KITLG: variants seen among roughly 807,000 people sequenced by gnomAD.
KITLG encodes c-Kit ligand.
Under a neutral mutation model 34.1 loss-of-function variants are expected in KITLG, and 13 were observed. The observed-to-expected ratio is 0.38, with a 90% CI of 0.25 to 0.61. The LOEUF is 0.61. Among genes scored for constraint, KITLG ranks in the 20% least tolerant of loss-of-function variants. The probability of loss-of-function intolerance (pLI) is 0.60; values close to 1 mark genes in which losing one functional copy is unlikely to be tolerated. For synonymous variants in KITLG, 110 were observed against 104.0 expected, an observed-to-expected ratio of 1.06 and a Z score of -0.35; for missense variants, 292 against 318.9, an observed-to-expected ratio of 0.92 and a Z score of 0.64.
intron 2 of KITLG, among the ~76,000 whole-genome samples, chr12:88,541,324 T>G (rs530962092): frequency 9.9e-5 from 15 of 152,216 alleles, no homozygotes; most frequent in Non-Finnish European, 1.6e-4. Flanking sequence ...TAATTTCACC[T>G]TTACGAGATG....
chr12:88,514,069 A>G (rs1265558249), intron 6 of KITLG, among the ~76,000 whole-genome samples: 1 of 151,676 alleles, frequency 6.6e-6, no homozygotes, highest in Non-Finnish European at 1.5e-5. Flanking sequence ...TTGACATCAA[A>G]CAACGCACTT....
chr12:88,499,916 G>A (rs996973281), intron 9 of KITLG, among the ~76,000 whole-genome samples: 8 of 152,006 alleles, frequency 5.3e-5, no homozygotes, highest in South Asian at 2.1e-4. Flanking sequence ...AACCACTCCC[G>A]TACATCTTGC....
chr12:88,557,158 A>G (rs1422545378), intron 1 of KITLG, among the ~76,000 whole-genome samples: 1 of 152,070 alleles, frequency 6.6e-6, no homozygotes, highest in African/African-American at 2.4e-5. Context: ...TAAACTCAGC[A>G]TTTCTCTTTT....
chr12:88,510,184 C>T (rs1869226152), intron 6 of KITLG, among the ~76,000 whole-genome samples: 1 of 152,158 alleles, frequency 6.6e-6, no homozygotes, highest in South Asian at 2.1e-4. Flanking sequence ...TATAATTTTG[C>T]TGAACTTCTT....
At position 88,506,314 on chromosome 12, in the gene KITLG, A is replaced by T; in HGVS notation, c.779T>A (p.Ile260Lys). ...CACATTTAGCAAAACAAAATACCTT[A>T]TCTCATTATCCTCTTCATTAATTTG... ...NIQINEEDNE[I>K]SMLQEKEREF... The change falls in exon 8 of 10, where the codon ATA becomes AAA. Residue 260 changes from isoleucine (I) to lysine (K), a missense_variant. By Grantham distance (102) the Ile-to-Lys change is moderately radical. Transcript: ENST00000644744. 1 of 1,592,690 alleles carries T rather than the reference A, an allele frequency of 6.3e-7. No individual in the cohort carries two copies. Among genetic ancestry groups the T allele is most frequent in the Non-Finnish European group, 8.6e-7 (1 of 1,160,564 alleles).
rs1179022746 is a variant in KITLG, at chr12:88,492,926, T to C, written c.*4293A>G. 1.3e-5 allele frequency: 2 copies of C among 152,374 alleles called. No individual in the cohort carries two copies. Among genetic ancestry groups the C allele is most frequent in the Non-Finnish European group, 2.9e-5 (2 of 67,900 alleles). The allele number at this position is 152,374 out of a possible 1,614,324, so 9.4% of individuals were successfully genotyped here. ...AAAGTACACATACAGTATATACACA[T>C]ACACATCACATTTTACAACCTTTTT... On this transcript the variant is annotated 3_prime_UTR_variant, in exon 10 of 10. Coordinates refer to ENST00000644744, the MANE Select transcript of KITLG (RefSeq NM_000899.5).
intron 2 of KITLG, among the ~76,000 whole-genome samples, chr12:88,543,291 G>A (rs1207815406): frequency 6.6e-6 from 1 of 151,970 alleles, no homozygotes; most frequent in East Asian, 1.9e-4. Context: ...GCCCCAGTGT[G>A]TAATGTTCCC....
At chr12:88,512,798 A>G (rs1454224680) in intron 6 of KITLG, among the ~76,000 whole-genome samples, 1 of 151,922 alleles carries the variant, frequency 6.6e-6, no homozygotes, top group Non-Finnish European at 1.5e-5. Context: ...TCTAGTAAAA[A>G]GTACCTGCTA....
At chr12:88,542,417 T>C (rs1870548599) in intron 2 of KITLG, among the ~76,000 whole-genome samples, 1 of 152,122 alleles carries the variant, frequency 6.6e-6, no homozygotes. Context: ...TTCAGTGATT[T>C]GTCCAAGGCC....
intron 9 of KITLG, among the ~76,000 whole-genome samples, chr12:88,504,056 C>A (rs1868958872): frequency 6.6e-6 from 1 of 151,944 alleles, no homozygotes; most frequent in African/African-American, 2.4e-5. Context: ...TGCTATATTT[C>A]CCTTGTCTAA....
intron 1 of KITLG, among the ~76,000 whole-genome samples, chr12:88,556,838 A>C (rs1423332969): frequency 6.6e-6 from 1 of 152,044 alleles, no homozygotes; most frequent in Non-Finnish European, 1.5e-5. Context: ...CAGCCAATGG[A>C]AAAAAAATAC....
At chr12:88,577,342 T>C (rs1293234710) in intron 1 of KITLG, among the ~76,000 whole-genome samples, 1 of 152,186 alleles carries the variant, frequency 6.6e-6, no homozygotes, top group Non-Finnish European at 1.5e-5. Flanking sequence ...CAATCTTTCT[T>C]ATCTCAGTAT....
chr12:88,566,709 C>G (rs886601059), intron 1 of KITLG, among the ~76,000 whole-genome samples: 1 of 152,096 alleles, frequency 6.6e-6, no homozygotes, highest in Non-Finnish European at 1.5e-5. Context: ...CACAGAGGAC[C>G]TTGTATAGTG....
chr12:88,521,030 C>T (rs1200860670), intron 3 of KITLG, among the ~76,000 whole-genome samples: 2 of 152,146 alleles, frequency 1.3e-5, no homozygotes, highest in African/African-American at 4.8e-5. Context: ...TACGTGCCTA[C>T]ACAGCTGAAA....
intron 1 of KITLG, among the ~76,000 whole-genome samples, chr12:88,559,718 T>G (rs1366925351): frequency 6.6e-6 from 1 of 152,208 alleles, no homozygotes. Flanking sequence ...ATAAGGATTA[T>G]TTTAAATTTT....
chr12:88,559,433 C>T (rs535611645), intron 1 of KITLG, among the ~76,000 whole-genome samples: 153 of 152,300 alleles, frequency 1.0e-3, no homozygotes, highest in South Asian at 5.8e-3. Context: ...CTGTAGTGGA[C>T]TTAAGTTCTG....
rs570797441 is a variant in KITLG, at chr12:88,495,458, C to G, written c.*1761G>C. The G allele has an allele frequency of 6.6e-6, 1 of 152,500 alleles. No individual in the cohort carries two copies. The highest frequency in any genetic ancestry group is 2.1e-4 in the South Asian group (1 of 4,822). The allele number at this position is 152,500 out of a possible 1,614,324, so 9.4% of individuals were successfully genotyped here. On this transcript the variant is annotated 3_prime_UTR_variant, in exon 10 of 10. Coordinates refer to ENST00000644744, the MANE Select transcript of KITLG (RefSeq NM_000899.5). Reference sequence around the variant, plus strand: ...ATGTGATATCTGAGGGCCTGAACACCTTAATGCAGCTTCTCAAAGCACCTG... The same window carrying G: ...ATGTGATATCTGAGGGCCTGAACACGTTAATGCAGCTTCTCAAAGCACCTG...
At position 88,499,609 on chromosome 12, in the gene KITLG, T is replaced by A. The variant is rs533578008; in HGVS notation, c.*38-2428A>T. 1.6e-4 allele frequency among the ~76,000 whole-genome samples: 25 copies of A among 152,274 alleles called. No individual in the cohort carries two copies. The South Asian group carries it at 5.2e-3, about 32-fold the overall frequency. On this transcript the variant is annotated intron_variant, in intron 9 of 9. Coordinates refer to ENST00000644744, the MANE Select transcript of KITLG (RefSeq NM_000899.5). ...TATCTGAAGTTCCAGTCTAACATAT[T>A]TGGCCACTGGTTAGTTTCAATAATA...
At chr12:88,528,411 T>A (rs1869958900) in intron 3 of KITLG, among the ~76,000 whole-genome samples, 1 of 152,178 alleles carries the variant, frequency 6.6e-6, no homozygotes. Flanking sequence ...AAACAAGGCA[T>A]CTTTGGGAGT....
Sources: gnomAD v4.1 joint callset for allele counts (sites outside exome capture counted in the v4.1 genomes callset) on GRCh38, gnomAD v4.1.1 for gene constraint, MANE v1.5 for transcripts, NCBI Gene and HGNC (gene_info 2026-07-23, HGNC 2026-07-21) for gene names.